KLC1: variants seen among roughly 807,000 people sequenced by gnomAD.
KLC1 encodes kinesin 2 60/70kDa.
Under a neutral mutation model 84.2 loss-of-function variants are expected in KLC1, and 30 were observed. The ratio of observed to expected loss-of-function variants is 0.36; its 90% CI spans 0.27 to 0.48. The LOEUF is 0.48. KLC1 is among the 20% of genes least tolerant of loss of function. KLC1 has a pLI of 0.99. For synonymous variants in KLC1, 289 were observed against 293.3 expected (o/e 0.99, Z 0.15); for missense variants, 499 against 805.4 (o/e 0.62, Z 4.60).
chr14:103,641,748 A>G (rs2077509481), intron 1 of KLC1, among the ~76,000 whole-genome samples: 1 of 151,630 alleles, frequency 6.6e-6, no homozygotes, highest in Admixed American at 6.6e-5. Flanking sequence ...CATCCTCCCA[A>G]GTAGCTGGGA....
chr14:103,648,914 A>T (rs4906352), intron 1 of KLC1, among the ~76,000 whole-genome samples: 41,798 of 152,034 alleles, frequency 0.27, 6,288 homozygotes, highest in East Asian at 0.53. Flanking sequence ...AGGCGGGCAG[A>T]TCACCTGAGC....
In KLC1 at chr14:103,701,368, G is replaced by T; in HGVS notation, c.*169G>T. ...TGATACTAATAACCACACGGCTGGC[G>T]TGACCTTGGGGCTGGGGCTGGGCCT... On this transcript the variant is annotated 3_prime_UTR_variant, in exon 17 of 17. Coordinates refer to ENST00000334553, the MANE Select transcript of KLC1 (RefSeq NM_001394837.1). 1.4e-6 allele frequency: 1 copy of T among 693,096 alleles called. No individual in the cohort carries two copies. The highest frequency in any genetic ancestry group is 2.2e-5 in the South Asian group (1 of 45,970). 42.9% of individuals were successfully genotyped at this position (693,096 alleles called of 1,614,324 possible).
rs202197699 is a variant in KLC1, at chr14:103,700,658, G to T, written c.1852G>T (p.Val618Phe). The stretch of plus-strand genomic sequence containing the variant: ...CTCGTCTGTGCTTCATCTCCAGGGC[G>T]TCTCTGGCCGAGCCTCTTTTTGTGG... ...GKAAEDRFQG[V>F]SGRASFCGKR... is the part of the protein sequence containing the mutation. The change falls in exon 16 of 17, where the codon GTC (valine) becomes TTC (phenylalanine). Residue 618 changes from valine to phenylalanine, a missense_variant. By Grantham distance (50) the Val-to-Phe change is conservative. This residue lies in a region of KLC1 where 167 missense variants were observed against 208.8 expected (regional missense o/e 0.80). Coordinates refer to ENST00000334553, the MANE Select transcript of KLC1 (RefSeq NM_001394837.1). 3 of 1,606,474 alleles carry T rather than the reference G, an allele frequency of 1.9e-6. No homozygotes were observed. Among genetic ancestry groups the T allele is most frequent in the Non-Finnish European group, 2.5e-6 (3 of 1,177,280 alleles).
At chr14:103,689,903 G>A (rs2081992207) in intron 14 of KLC1, among the ~76,000 whole-genome samples, 1 of 152,214 alleles carries the variant, frequency 6.6e-6, no homozygotes, top group African/African-American at 2.4e-5. Context: ...AATGGCGGCC[G>A]GTGCAGTGGC....
Position 103,662,865 on chromosome 14 carries a change from G to A in KLC1, c.735G>A (p.Lys245=). The part of the protein sequence containing the change: ...LCKQALEDLE[K]TSGHDHPDVA... ...AGCAGGCCCTGGAGGACCTGGAGAAGACTTCAGGACACGACCACCCGGACG... is the reference window on the plus strand; with the variant it reads ...AGCAGGCCCTGGAGGACCTGGAGAAAACTTCAGGACACGACCACCCGGACG... Residue 245 remains lysine, a synonymous_variant, in exon 5 of 17, where the codon AAG becomes AAA. Transcript: ENST00000334553. 1 of 1,613,742 alleles carries A rather than the reference G, an allele frequency of 6.2e-7. No homozygotes were observed. Among genetic ancestry groups the A allele is most frequent in the Non-Finnish European group, 8.5e-7 (1 of 1,179,958 alleles).
At chr14:103,631,001 G>C (rs907332243) in intron 1 of KLC1, among the ~76,000 whole-genome samples, 1 of 152,186 alleles carries the variant, frequency 6.6e-6, no homozygotes, top group African/African-American at 2.4e-5. Flanking sequence ...TCTCCAGCAA[G>C]GGGGGAGGGA....
chr14:103,653,429 C>A (rs1487024271), intron 1 of KLC1, among the ~76,000 whole-genome samples: 1 of 152,144 alleles, frequency 6.6e-6, no homozygotes, highest in African/African-American at 2.4e-5. Flanking sequence ...TCAAGTGATT[C>A]TCGTGCCTCA....
At chr14:103,701,157 C>A in intron 16 of KLC1, 44 bp from the exon 17 acceptor site, 1 of 1,549,168 alleles carries the variant, frequency 6.5e-7, no homozygotes, top group Non-Finnish European at 8.7e-7. Context: ...GTAACACTGT[C>A]AGGTTTTGGC....
chr14:103,646,435 G>T (rs148355249), intron 1 of KLC1, among the ~76,000 whole-genome samples: 3 of 151,996 alleles, frequency 2.0e-5, no homozygotes, highest in African/African-American at 7.2e-5. Flanking sequence ...CAAGTAGTTG[G>T]GAGTACAGGC....
intron 5 of KLC1, among the ~76,000 whole-genome samples, chr14:103,666,777 CTTTT>C (rs67276843): frequency 5.4e-5 from 6 of 111,664 alleles, no homozygotes; most frequent in Non-Finnish European, 5.6e-5. Flanking sequence ...TTTTTTCTTT[CTTTT>C]TTTTTTTTTT....
At chr14:103,685,884 A>G in intron 13 of KLC1, 1 of 1,146,666 alleles carries the variant, frequency 8.7e-7, no homozygotes. Flanking sequence ...AATAAAATCC[A>G]TTTACTGTGT....
rs143380247 is a variant in KLC1 at position 103,646,285 on chromosome 14, G to T, written c.-1-8279G>T. Among the ~76,000 whole-genome samples the T allele has an allele frequency of 9.5e-4, 144 of 152,222 alleles. 3 individuals carry two copies. The East Asian group carries it at 0.02, about 21-fold the overall frequency. ...CCTGTCATAAAGGACGAATTAAAAG[G>T]ACAGTTTTAGTGTGTAATGAGAACT... is the stretch of plus-strand genomic sequence containing the variant. On this transcript the variant is annotated intron_variant, in intron 1 of 16. Coordinates refer to ENST00000334553, the MANE Select transcript of KLC1 (RefSeq NM_001394837.1).
rs553269179 is a variant in KLC1, at chr14:103,686,241, C to G, written c.1651-840C>G. Reference sequence around the variant, plus strand: ...CTCCGACTGACCTGTGTCTTGGTGTCTGTCTGCTTGGTAGAACTTCTCACT... The same window carrying G: ...CTCCGACTGACCTGTGTCTTGGTGTGTGTCTGCTTGGTAGAACTTCTCACT... On this transcript the variant is annotated intron_variant, in intron 13 of 16. Transcript: ENST00000334553. The G allele has an allele frequency of 1.8e-3, 1,794 of 985,902 alleles. 1 individual carries two copies. The highest frequency in any genetic ancestry group is 2.0e-3 in the Non-Finnish European group (1,697 of 830,160). 61.1% of individuals were successfully genotyped at this position (985,902 alleles called of 1,614,324 possible). A position where few individuals can be genotyped will look rare whatever the true frequency, so the allele number is the denominator to read the frequency against.
intron 3 of KLC1, among the ~76,000 whole-genome samples, chr14:103,660,531 G>A (rs2079192317): frequency 6.6e-6 from 1 of 151,474 alleles, no homozygotes; most frequent in African/African-American, 2.4e-5. Context: ...GCTCATGCCT[G>A]TAATCCCAAC....
chr14:103,636,249 T>A (rs970138681), intron 1 of KLC1, among the ~76,000 whole-genome samples: 1 of 152,132 alleles, frequency 6.6e-6, no homozygotes, highest in African/African-American at 2.4e-5. Flanking sequence ...GAGATGGAGT[T>A]TCACTCTTGT....
rs934436457 is a variant in KLC1 at position 103,672,922 on chromosome 14, T to C, written c.988-92T>C. On this transcript the variant is annotated intron_variant, in intron 7 of 16. Transcript: ENST00000334553. The stretch of plus-strand genomic sequence containing the variant: ...TGAAAGTGTAGCACAGTCGTGCTTA[T>C]GTTGAGGAAGATCCTGATGTGACAG... 2.6e-6 allele frequency: 3 copies of C among 1,145,034 alleles called. No homozygotes were observed. In the African/African-American group the frequency reaches 4.7e-5, roughly 18 times the overall value. The allele number at this position is 1,145,034 out of a possible 1,614,324, so 70.9% of individuals were successfully genotyped here.
chr14:103,652,003 G>A (rs1214823967), intron 1 of KLC1, among the ~76,000 whole-genome samples: 1 of 152,174 alleles, frequency 6.6e-6, no homozygotes, highest in Non-Finnish European at 1.5e-5. Context: ...CCCCAAGGGC[G>A]AGGCCCTTAT....
chr14:103,649,909 G>A lies in KLC1; in HGVS notation c.-1-4655G>A, dbSNP rs1011106908. On this transcript the variant is annotated intron_variant, in intron 1 of 16. Coordinates refer to ENST00000334553, the MANE Select transcript of KLC1 (RefSeq NM_001394837.1). ...ACGGGGTTTCACCGTGTTAGCCAGG[G>A]TGGTCTCGATCTCCTGACCTCGTGA... 1.3e-5 allele frequency among the ~76,000 whole-genome samples: 2 copies of A among 152,032 alleles called. 1 individual carries two copies. Among genetic ancestry groups the A allele is most frequent in the South Asian group, 4.1e-4 (2 of 4,820 alleles).
At chr14:103,645,264 CGCCTG>C (rs367879212) in intron 1 of KLC1, among the ~76,000 whole-genome samples, 55 of 151,306 alleles carry the variant, frequency 3.6e-4, no homozygotes, top group African/African-American at 1.3e-3. Flanking sequence ...GGAGCCACTG[CGCCTG>C]GCCTGGGGCT....
Sources: gnomAD v4.1 joint callset for allele counts (sites outside exome capture counted in the v4.1 genomes callset) on GRCh38, gnomAD v4.1.1 for gene constraint, gnomAD v4.1.1 regional missense constraint, MANE v1.5 for transcripts, NCBI Gene and HGNC (gene_info 2026-07-23, HGNC 2026-07-21) for gene names.